The following SKIC3 variants were observed in gnomAD, a reference collection of about 807,000 sequenced individuals.
SKIC3 encodes the protein SKI3 subunit of superkiller complex, also known as superkiller complex protein 3.
At chr5:95,483,814 A>G in the SKIC3 span, among the ~76,000 whole-genome samples, 1 of 152,186 alleles carries the variant, frequency 6.6e-6, no homozygotes, top group Admixed American at 6.5e-5. Flanking sequence ...ATACACATTT[A>G]TTCACAGAGC....
At chr5:95,508,286 G>A in the SKIC3 span, among the ~76,000 whole-genome samples, 20 of 152,282 alleles carry the variant, frequency 1.3e-4, no homozygotes, top group South Asian at 4.1e-3. Flanking sequence ...GTGCCTCAGA[G>A]ATTAGGCAAC....
chr5:95,477,908 A>G, the SKIC3 span, among the ~76,000 whole-genome samples: 1 of 152,228 alleles, frequency 6.6e-6, no homozygotes, highest in South Asian at 2.1e-4. Context: ...ATAAGTTACT[A>G]GAAATCCCTC....
chr5:95,513,239 G>T, the SKIC3 span: 1 of 267,644 alleles, frequency 3.7e-6, no homozygotes, highest in Non-Finnish European at 7.2e-6. Context: ...ACAGAATCTT[G>T]CTCTGTTGCC....
the SKIC3 span, chr5:95,540,562 G>A: frequency 8.3e-7 from 1 of 1,202,244 alleles, no homozygotes; most frequent in African/African-American, 1.5e-5. Context: ...ATGAACACAT[G>A]AAAAGATGTT....
the SKIC3 span, chr5:95,516,990 GATAATAATT>G: frequency 2.5e-6 from 4 of 1,613,418 alleles, no homozygotes; most frequent in Non-Finnish European, 2.5e-6. Context: ...TGTGCTTGGC[GATAATAATT>G]AATTCCAAGG....
At chr5:95,469,943 G>T in the SKIC3 span, 3 of 1,602,474 alleles carry the variant, frequency 1.9e-6, no homozygotes, top group East Asian at 2.2e-5. Context: ...TTAACTCAAA[G>T]ATTTGGCATA....
At chr5:95,490,883 T>C in the SKIC3 span, 5 of 1,613,274 alleles carry the variant, frequency 3.1e-6, no homozygotes, top group African/African-American at 4.0e-5. Context: ...TTAAATCATG[T>C]ATAAAGATGC....
the SKIC3 span, chr5:95,541,976 G>A: frequency 4.2e-6 from 4 of 948,148 alleles, no homozygotes; most frequent in Non-Finnish European, 6.7e-6. Context: ...CATTTATTTT[G>A]CTAAATAATA....
At chr5:95,487,706 A>C in the SKIC3 span, among the ~76,000 whole-genome samples, 1 of 152,240 alleles carries the variant, frequency 6.6e-6, no homozygotes, top group Non-Finnish European at 1.5e-5. Context: ...TACGAAAGAA[A>C]ATTCCAAAAT....
chr5:95,525,527 T>C, the SKIC3 span: 1 of 1,613,722 alleles, frequency 6.2e-7, no homozygotes, highest in African/African-American at 1.3e-5. Context: ...CTGTCAATTC[T>C]ATAGCCAAAT....
chr5:95,512,660 G>A, the SKIC3 span: 1 of 1,610,902 alleles, frequency 6.2e-7, no homozygotes, highest in Non-Finnish European at 8.5e-7. Context: ...GATAATAAAT[G>A]TGTCAATAAA....
At chr5:95,497,337 T>G in the SKIC3 span, 1 of 1,226,792 alleles carries the variant, frequency 8.2e-7, no homozygotes, top group Non-Finnish European at 1.2e-6. Flanking sequence ...AGAAGAATAA[T>G]GCCATAGTTT....
chr5:95,497,671 A>G, the SKIC3 span, among the ~76,000 whole-genome samples: 3 of 152,216 alleles, frequency 2.0e-5, no homozygotes, highest in Non-Finnish European at 2.9e-5. Context: ...ATACACCAAC[A>G]GTCTTTATGA....
At chr5:95,534,556 C>T in the SKIC3 span, among the ~76,000 whole-genome samples, 2 of 152,172 alleles carry the variant, frequency 1.3e-5, no homozygotes, top group Non-Finnish European at 2.9e-5. Flanking sequence ...TAAAAAGCCT[C>T]ACAATCATAA....
chr5:95,546,914 G>C, the SKIC3 span: 1 of 754,632 alleles, frequency 1.3e-6, no homozygotes, highest in Non-Finnish European at 2.3e-6. Context: ...GCTAACTAGA[G>C]GTTAAAAGTC....
the SKIC3 span, among the ~76,000 whole-genome samples, chr5:95,542,089 G>A: frequency 1.3e-5 from 2 of 152,062 alleles, no homozygotes; most frequent in Non-Finnish European, 2.9e-5. Flanking sequence ...GGGGTCGGAG[G>A]GCACAGGTAA....
chr5:95,519,465 C>A, the SKIC3 span, among the ~76,000 whole-genome samples: 1 of 151,820 alleles, frequency 6.6e-6, no homozygotes, highest in Non-Finnish European at 1.5e-5. Context: ...TAACTAAAAG[C>A]CCACTGAGAA....
the SKIC3 span, among the ~76,000 whole-genome samples, chr5:95,542,231 T>C: frequency 3.3e-5 from 5 of 152,166 alleles, no homozygotes; most frequent in Admixed American, 1.3e-4. Context: ...CCATCTAAGA[T>C]TACTATATGA....
At chr5:95,471,966 A>G in the SKIC3 span, among the ~76,000 whole-genome samples, 1 of 152,210 alleles carries the variant, frequency 6.6e-6, no homozygotes, top group Non-Finnish European at 1.5e-5. Context: ...CATTAAATCA[A>G]GTATGATGCC....
Sources: allele counts gnomAD v4.1 joint callset (sites outside exome capture counted in the v4.1 genomes callset), GRCh38; gene constraint gnomAD v4.1.1; transcripts MANE v1.5; gene names NCBI Gene and HGNC (gene_info 2026-07-23, HGNC 2026-07-21).